Variants in TTC27 observed in about 807,000 individuals in gnomAD.
The protein encoded by TTC27 is tetratricopeptide repeat domain 27, also known as tetratricopeptide repeat protein 27.
Under a neutral mutation model 115.9 loss-of-function variants are expected in TTC27, and 79 were observed. The ratio of observed to expected loss-of-function variants is 0.68; its 90% CI spans 0.57 to 0.82. The LOEUF is 0.82. Among genes scored for constraint, TTC27 ranks in the 40% least tolerant of loss-of-function variants. The probability of loss-of-function intolerance (pLI) is 0.00; values close to 1 mark genes in which losing one functional copy is unlikely to be tolerated. For synonymous variants in TTC27, 401 were observed against 356.0 expected, an observed-to-expected ratio of 1.13 and a Z score of -1.42; for missense variants, 1,054 against 993.1, an observed-to-expected ratio of 1.06 and a Z score of -0.82.
intron 9 of TTC27, among the ~76,000 whole-genome samples, chr2:32,689,359 G>C (rs1666739068): frequency 6.6e-6 from 1 of 152,076 alleles, no homozygotes; most frequent in Admixed American, 6.6e-5. Flanking sequence ...GATTTATTTA[G>C]AGCTATACTA....
At chr2:32,700,209 A>G (rs1667136964) in intron 9 of TTC27, among the ~76,000 whole-genome samples, 1 of 152,160 alleles carries the variant, frequency 6.6e-6, no homozygotes, top group Admixed American at 6.5e-5. Flanking sequence ...AGCTTTACTT[A>G]TTCTTACTTA....
In TTC27 at chr2:32,821,045, G is replaced by C; in HGVS notation, c.*107G>C. ...GATTTTTAAAATAAATTTGTTTTATGACTTAACATTCTTGGTTTTGTGATG... is the reference window on the plus strand; with the variant it reads ...GATTTTTAAAATAAATTTGTTTTATCACTTAACATTCTTGGTTTTGTGATG... On this transcript the variant is annotated 3_prime_UTR_variant, in exon 20 of 20. Transcript: ENST00000317907. The C allele has an allele frequency of 8.9e-7, 1 of 1,126,520 alleles. No homozygotes were observed. The highest frequency in any genetic ancestry group is 1.1e-6 in the Non-Finnish European group (1 of 878,566). The allele number at this position is 1,126,520 out of a possible 1,614,324, so 69.8% of individuals were successfully genotyped here.
intron 10 of TTC27, among the ~76,000 whole-genome samples, chr2:32,728,144 C>G (rs1462469694): frequency 6.6e-6 from 1 of 151,078 alleles, no homozygotes; most frequent in Non-Finnish European, 1.5e-5. Context: ...GGGTTCACAC[C>G]ATTCTCCTGC....
intron 7 of TTC27, among the ~76,000 whole-genome samples, chr2:32,669,746 C>CGTG (rs1368461855): frequency 6.6e-6 from 1 of 151,526 alleles, no homozygotes; most frequent in Non-Finnish European, 1.5e-5. Context: ...ATTATCCGGG[C>CGTG]GTGGTGGTGT....
intron 16 of TTC27, among the ~76,000 whole-genome samples, chr2:32,788,286 G>T (rs914102702): frequency 6.6e-6 from 1 of 152,002 alleles, no homozygotes; most frequent in Admixed American, 6.5e-5. Flanking sequence ...TTTAGACATC[G>T]CTGCTGGCTC....
chr2:32,628,853 C>T (rs1014000655), intron 1 of TTC27, among the ~76,000 whole-genome samples: 1 of 151,958 alleles, frequency 6.6e-6, no homozygotes, highest in Non-Finnish European at 1.5e-5. Context: ...CTCCGCCTCC[C>T]GGGTTCAAGT....
At chr2:32,663,609 T>C (rs767896258) in intron 5 of TTC27, among the ~76,000 whole-genome samples, 4 of 152,140 alleles carry the variant, frequency 2.6e-5, no homozygotes, top group Admixed American at 1.3e-4. Context: ...GCTGTTCCTA[T>C]TGGCCATCTT....
intron 10 of TTC27, among the ~76,000 whole-genome samples, chr2:32,705,325 A>G (rs1426516925): frequency 3.8e-4 from 58 of 152,170 alleles, no homozygotes; most frequent in Non-Finnish European, 2.9e-5. Flanking sequence ...CATGAGCCAA[A>G]TAAACATCTT....
intron 13 of TTC27, among the ~76,000 whole-genome samples, chr2:32,761,806 A>G (rs182302054): frequency 4.6e-5 from 7 of 152,308 alleles, no homozygotes; most frequent in Admixed American, 6.5e-5. Flanking sequence ...CTTTTTTAAA[A>G]AAGTTCTGTT....
chr2:32,676,332 T>C (rs1185986096), intron 8 of TTC27, among the ~76,000 whole-genome samples: 1 of 152,060 alleles, frequency 6.6e-6, no homozygotes, highest in Non-Finnish European at 1.5e-5. Flanking sequence ...CATAGTTCTT[T>C]CCTCTTCCCT....
rs1192762187 is a variant in TTC27 at position 32,755,136 on chromosome 2, G to A, written c.1453-3156G>A. Among the ~76,000 whole-genome samples the A allele has an allele frequency of 2.0e-5, 3 of 152,090 alleles. No individual in the cohort carries two copies. In the East Asian group the frequency reaches 5.9e-4, roughly 30 times the overall value. On this transcript the variant is annotated intron_variant, in intron 12 of 19. Transcript: ENST00000317907. ...GGGCAGAGATGCTCCTCACTTTCCA[G>A]ACTGGGCAGCCAGGCAGAGACGCTC... is the stretch of plus-strand genomic sequence containing the variant.
At chr2:32,721,668 C>T (rs1017312774) in intron 10 of TTC27, among the ~76,000 whole-genome samples, 4 of 150,942 alleles carry the variant, frequency 2.7e-5, no homozygotes, top group Admixed American at 6.6e-5. Context: ...CTGTGTCACC[C>T]AGGCTGGAGT....
intron 12 of TTC27, among the ~76,000 whole-genome samples, chr2:32,752,772 G>C (rs1669062075): frequency 6.6e-6 from 1 of 152,106 alleles, no homozygotes; most frequent in Admixed American, 6.5e-5. Flanking sequence ...TAGTAGATTT[G>C]GAGAACTTCT....
intron 16 of TTC27, among the ~76,000 whole-genome samples, chr2:32,802,773 A>G (rs770786880): frequency 6.6e-6 from 1 of 152,132 alleles, no homozygotes; most frequent in Non-Finnish European, 1.5e-5. Context: ...TCAGTCCTCA[A>G]TTATTTTTCT....
chr2:32,737,389 T>A (rs3769586), intron 12 of TTC27, among the ~76,000 whole-genome samples: 62,627 of 151,922 alleles, frequency 0.41, 13,127 homozygotes, highest in Non-Finnish European at 0.44. Flanking sequence ...TCTGCATTGT[T>A]AGTCACTTTA....
intron 10 of TTC27, among the ~76,000 whole-genome samples, chr2:32,707,696 A>G (rs1444945179): frequency 1.3e-5 from 2 of 152,174 alleles, no homozygotes; most frequent in African/African-American, 2.4e-5. Flanking sequence ...AGGTCGCTCT[A>G]TTGATGTTTC....
At chr2:32,708,188 C>G (rs1385220838) in intron 10 of TTC27, among the ~76,000 whole-genome samples, 1 of 151,908 alleles carries the variant, frequency 6.6e-6, no homozygotes, top group African/African-American at 2.4e-5. Context: ...CCTCCTCAGC[C>G]TACTCGATGT....
intron 11 of TTC27, among the ~76,000 whole-genome samples, chr2:32,736,172 A>G (rs1387177891): frequency 1.3e-4 from 20 of 151,742 alleles, no homozygotes; most frequent in Admixed American, 1.2e-3. Context: ...TCTTTTTTTT[A>G]TCTGCCAGGG....
chr2:32,710,535 T>G (rs1251675806), intron 10 of TTC27, among the ~76,000 whole-genome samples: 1 of 148,694 alleles, frequency 6.7e-6, no homozygotes, highest in South Asian at 2.2e-4. Flanking sequence ...GTTCAACCAA[T>G]TCTCCTACCT....
Sources: gnomAD v4.1 joint callset for allele counts (sites outside exome capture counted in the v4.1 genomes callset) on GRCh38, gnomAD v4.1.1 for gene constraint, MANE v1.5 for transcripts, NCBI Gene and HGNC (gene_info 2026-07-23, HGNC 2026-07-21) for gene names.